Variants in MBNL1 observed in about 807,000 individuals in gnomAD.
The protein encoded by MBNL1 is muscleblind-like protein 1.
In MBNL1, 8 loss-of-function variants were observed where a neutral mutation model predicts 42.2. The observed-to-expected ratio is 0.19, with a 90% CI of 0.11 to 0.34. The LOEUF (loss-of-function observed/expected upper bound fraction) is 0.34, where lower values mean the gene tolerates loss of function less well. Among genes scored for constraint, MBNL1 ranks in the 10% least tolerant of loss-of-function variants. The probability of loss-of-function intolerance (pLI) is 1.00; values close to 1 mark genes in which losing one functional copy is unlikely to be tolerated. For missense variants in MBNL1, 309 were observed against 495.3 expected, an observed-to-expected ratio of 0.62 and a Z score of 3.57; for synonymous variants, 169 against 173.9, an observed-to-expected ratio of 0.97 and a Z score of 0.22.
rs374641558 is a variant in MBNL1, at chr3:152,432,708, A to C, written c.346-9A>C. ...GCATGTTAAATTTTGCTTTTATTTT[A>C]TTTTTCAGCCAATGTTTTCAGTTGC... On this transcript the variant is annotated splice_polypyrimidine_tract_variant and intron_variant, in intron 3 of 9. Coordinates refer to ENST00000324210, the MANE Select transcript of MBNL1 (RefSeq NM_021038.5). The C allele has an allele frequency of 3.7e-6, 6 of 1,613,760 alleles. No individual in the cohort carries two copies. Among genetic ancestry groups the C allele is most frequent in the Non-Finnish European group, 5.1e-6 (6 of 1,179,858 alleles).
intron 2 of MBNL1, among the ~76,000 whole-genome samples, chr3:152,330,901 TG>T (rs772490107): frequency 6.6e-6 from 1 of 152,174 alleles, no homozygotes; most frequent in Admixed American, 6.5e-5. Context: ...GGTCTTGGAA[TG>T]TATTCCCCAT....
At chr3:152,284,320 A>G (rs1559997181) in intron 1 of MBNL1, among the ~76,000 whole-genome samples, 1 of 152,132 alleles carries the variant, frequency 6.6e-6, no homozygotes, top group Admixed American at 6.5e-5. Flanking sequence ...GAGACAGCAG[A>G]ACCAAGATTA....
At chr3:152,392,064 T>G (rs1328691150) in intron 2 of MBNL1, among the ~76,000 whole-genome samples, 1 of 143,566 alleles carries the variant, frequency 7.0e-6, no homozygotes, top group Non-Finnish European at 1.5e-5. Flanking sequence ...CATCATTAAG[T>G]CCTGTCATTT....
chr3:152,291,466 C>G (rs1315945407), intron 1 of MBNL1, among the ~76,000 whole-genome samples: 1 of 152,134 alleles, frequency 6.6e-6, no homozygotes, highest in Admixed American at 6.5e-5. Flanking sequence ...TGGTTTCATT[C>G]ACTTATAAAG....
At chr3:152,385,792 T>C (rs1302782654) in intron 2 of MBNL1, among the ~76,000 whole-genome samples, 1 of 152,062 alleles carries the variant, frequency 6.6e-6, no homozygotes, top group Non-Finnish European at 1.5e-5. Flanking sequence ...ATCTTCTGGA[T>C]CACCACCTGA....
rs185539972 is a variant in MBNL1, at chr3:152,430,700, A to G, written c.346-2017A>G. Among the ~76,000 whole-genome samples the G allele has an allele frequency of 3.3e-5, 5 of 152,340 alleles. No homozygotes were observed. In the East Asian group the frequency reaches 9.7e-4, roughly 29 times the overall value. ...ACCTGGGCAGAGAGTGGACAGTGGC[A>G]CAGCATTAAGTCAGCTGCGGCTCAG... On this transcript the variant is annotated intron_variant, in intron 3 of 9. Transcript: ENST00000324210.
At chr3:152,269,266 G>A (rs913624854) in intron 1 of MBNL1, 174 bp downstream of exon 1, 3 of 354,898 alleles carry the variant, frequency 8.5e-6, no homozygotes, top group South Asian at 6.2e-5. Context: ...TCCTGCCCGG[G>A]GGAAGGCGGG....
intron 2 of MBNL1, among the ~76,000 whole-genome samples, chr3:152,331,154 C>T (rs1244286647): frequency 2.0e-5 from 3 of 151,804 alleles, no homozygotes; most frequent in African/African-American, 7.3e-5. Context: ...CTCTTCTTCT[C>T]TTTTCATACT....
intron 6 of MBNL1, among the ~76,000 whole-genome samples, chr3:152,448,610 GACTT>G (rs1177196746): frequency 6.6e-6 from 1 of 151,874 alleles, no homozygotes; most frequent in Admixed American, 6.5e-5. Flanking sequence ...TGGTTTTAGA[GACTT>G]ACTTAATAAA....
At chr3:152,257,259 C>T (rs1258051619) in intron 2 of MBNL1, among the ~76,000 whole-genome samples, 1 of 152,070 alleles carries the variant, frequency 6.6e-6, no homozygotes, top group Non-Finnish European at 1.5e-5. Flanking sequence ...AGAAGCAAAC[C>T]TATTAAAAGT....
At chr3:152,411,710 T>C (rs1311354661) in intron 2 of MBNL1, among the ~76,000 whole-genome samples, 1 of 152,234 alleles carries the variant, frequency 6.6e-6, no homozygotes, top group African/African-American at 2.4e-5. Context: ...TAAAATGTAA[T>C]GTCATTGTAT....
intron 2 of MBNL1, among the ~76,000 whole-genome samples, chr3:152,253,408 C>T (rs2034964649): frequency 6.6e-6 from 1 of 152,130 alleles, no homozygotes. Context: ...AAGTGTAAGA[C>T]ACTGTCATCT....
intron 2 of MBNL1, among the ~76,000 whole-genome samples, chr3:152,307,754 C>T (rs1342678872): frequency 6.6e-6 from 1 of 152,134 alleles, no homozygotes; most frequent in East Asian, 1.9e-4. Context: ...TTTCCATATG[C>T]ATATTCTAAG....
chr3:152,410,335 C>G (rs1054759198), intron 2 of MBNL1, among the ~76,000 whole-genome samples: 1 of 152,018 alleles, frequency 6.6e-6, no homozygotes, highest in Non-Finnish European at 1.5e-5. Context: ...AGAAATTACT[C>G]GATGAATTTA....
intron 1 of MBNL1, among the ~76,000 whole-genome samples, chr3:152,271,602 T>C (rs564519351): frequency 6.6e-6 from 1 of 152,220 alleles, no homozygotes; most frequent in Admixed American, 6.5e-5. Context: ...GAATAGGTGA[T>C]TGGGTTTTTA....
chr3:152,456,379 T>C lies in MBNL1; in HGVS notation c.1092+18T>C. 6.2e-7 allele frequency: 1 copy of C among 1,607,830 alleles called. No homozygotes were observed. Among genetic ancestry groups the C allele is most frequent in the Non-Finnish European group, 8.5e-7 (1 of 1,174,294 alleles). On this transcript the variant is annotated intron_variant, in intron 8 of 9. Transcript: ENST00000324210. Reference sequence around the variant, plus strand: ...CCAACCAGGTTTGCTAATTTACAGCTTTGTTTCTTAAAAAACAACTCTAAT... The same window carrying C: ...CCAACCAGGTTTGCTAATTTACAGCCTTGTTTCTTAAAAAACAACTCTAAT...
chr3:152,405,705 T>A (rs950138437), intron 2 of MBNL1, among the ~76,000 whole-genome samples: 1 of 152,180 alleles, frequency 6.6e-6, no homozygotes. Context: ...AGAAATTTAA[T>A]AGAGACAGTC....
intron 2 of MBNL1, among the ~76,000 whole-genome samples, chr3:152,246,316 C>A (rs1400071820): frequency 6.6e-6 from 1 of 152,050 alleles, no homozygotes; most frequent in Admixed American, 6.6e-5. Flanking sequence ...AAGGCTAAAG[C>A]AGCAGAGAAG....
intron 2 of MBNL1, among the ~76,000 whole-genome samples, chr3:152,412,866 A>G (rs2153633922): frequency 6.6e-6 from 1 of 152,324 alleles, no homozygotes; most frequent in South Asian, 2.1e-4. Flanking sequence ...ATTGATGGGA[A>G]GTGAATTCTC....
Sources: allele counts gnomAD v4.1 joint callset (sites outside exome capture counted in the v4.1 genomes callset), GRCh38; gene constraint gnomAD v4.1.1; transcripts MANE v1.5; gene names NCBI Gene and HGNC (gene_info 2026-07-23, HGNC 2026-07-21).